TMEM65: variants seen among roughly 807,000 people sequenced by gnomAD.
TMEM65 encodes transmembrane protein 65.
Under a neutral mutation model 25.4 loss-of-function variants are expected in TMEM65, and 22 were observed. The ratio of observed to expected loss-of-function variants is 0.86; its 90% CI spans 0.62 to 1.23. The LOEUF is 1.23. TMEM65 is among the 50% of genes most tolerant of loss of function. The pLI is 0.00. For synonymous variants in TMEM65, 132 were observed against 126.2 expected (o/e 1.05, Z -0.31); for missense variants, 262 against 308.2 (o/e 0.85, Z 1.12).
At chr8:124,358,239 A>G (rs1814810466) in intron 1 of TMEM65, among the ~76,000 whole-genome samples, 1 of 152,198 alleles carries the variant, frequency 6.6e-6, no homozygotes, top group African/African-American at 2.4e-5. Flanking sequence ...TCTCCCTCCA[A>G]GAGAAGTAAA....
At chr8:124,322,824 C>T (rs1010008937) in intron 4 of TMEM65, among the ~76,000 whole-genome samples, 18 of 151,926 alleles carry the variant, frequency 1.2e-4, no homozygotes, top group Admixed American at 6.6e-5. Flanking sequence ...GGTGAAACCC[C>T]GTCTCTACTA....
intron 1 of TMEM65, among the ~76,000 whole-genome samples, chr8:124,337,748 G>C: frequency 6.6e-6 from 1 of 152,004 alleles, no homozygotes; most frequent in Non-Finnish European, 1.5e-5. Context: ...AGAGTTTTAA[G>C]AAGTCAACAA....
chr8:124,315,314 GTT>G (rs66799463), intron 6 of TMEM65, among the ~76,000 whole-genome samples: 7 of 149,510 alleles, frequency 4.7e-5, no homozygotes, highest in Admixed American at 2.0e-4. Flanking sequence ...ATATCCTACA[GTT>G]TTTTTTTTGT....
intron 3 of TMEM65, among the ~76,000 whole-genome samples, chr8:124,324,928 A>T (rs952064453): frequency 3.3e-5 from 5 of 152,074 alleles, no homozygotes; most frequent in African/African-American, 1.2e-4. Context: ...CTACTCTAGA[A>T]TTCTAATAAA....
At chr8:124,369,923 T>A (rs1392125246) in intron 1 of TMEM65, among the ~76,000 whole-genome samples, 1 of 152,104 alleles carries the variant, frequency 6.6e-6, no homozygotes, top group Admixed American at 6.5e-5. Flanking sequence ...TTGATGTTCT[T>A]TAGCATATAA....
chr8:124,331,176 TAAGA>T (rs1300513723), intron 1 of TMEM65, among the ~76,000 whole-genome samples: 1 of 151,742 alleles, frequency 6.6e-6, no homozygotes, highest in Non-Finnish European at 1.5e-5. Context: ...CTAGATGACT[TAAGA>T]AATACACAAA....
rs1485744818 is a variant in TMEM65, at chr8:124,316,981, T to TA, written c.622-2921dup. Among the ~76,000 whole-genome samples, 5 of 152,306 alleles carry TA rather than the reference T, an allele frequency of 3.3e-5. No homozygotes were observed. The East Asian group carries it at 9.6e-4, about 29-fold the overall frequency. On this transcript the variant is annotated intron_variant, in intron 6 of 6. Coordinates refer to ENST00000297632, the MANE Select transcript of TMEM65 (RefSeq NM_194291.3). ...TCATTTTGTTTCTCCACACTCTTCC[T>TA]ACATTTTGATTGAAAAGCAAACACT...
At chr8:124,332,956 C>CCA (rs1480527600) in intron 1 of TMEM65, among the ~76,000 whole-genome samples, 3 of 151,922 alleles carry the variant, frequency 2.0e-5, no homozygotes, top group Non-Finnish European at 2.9e-5. Flanking sequence ...CAGGTGTGTG[C>CCA]CACCACACCT....
chr8:124,326,417 CT>C (rs1322016311), intron 3 of TMEM65, among the ~76,000 whole-genome samples: 1 of 151,912 alleles, frequency 6.6e-6, no homozygotes, highest in East Asian at 1.9e-4. Flanking sequence ...AGTTTTTTGA[CT>C]GATTATGGCA....
intron 1 of TMEM65, among the ~76,000 whole-genome samples, chr8:124,331,785 G>A (rs1004873240): frequency 1.2e-4 from 18 of 151,790 alleles, no homozygotes; most frequent in African/African-American, 2.2e-4. Context: ...CCAAAGAAAC[G>A]CATTACAAAC....
At chr8:124,347,075 T>A (rs1056107905) in intron 1 of TMEM65, among the ~76,000 whole-genome samples, 9 of 152,256 alleles carry the variant, frequency 5.9e-5, no homozygotes, top group South Asian at 2.1e-4. Context: ...GTGTTTTTTT[T>A]AAAAAGAAAC....
chr8:124,352,848 C>T (rs74305387), intron 1 of TMEM65, among the ~76,000 whole-genome samples: 7,204 of 152,196 alleles, frequency 0.047, 211 homozygotes, highest in Non-Finnish European at 0.062. Flanking sequence ...CCAGTTGGGC[C>T]GGGTCCAGTG....
intron 6 of TMEM65, among the ~76,000 whole-genome samples, chr8:124,315,511 C>T (rs897764330): frequency 6.6e-5 from 10 of 151,794 alleles, no homozygotes; most frequent in African/African-American, 2.2e-4. Context: ...TTAGTAGAGC[C>T]GGGGTTTCAC....
intron 6 of TMEM65, among the ~76,000 whole-genome samples, chr8:124,316,282 C>A (rs1814236488): frequency 1.3e-5 from 2 of 152,170 alleles, no homozygotes; most frequent in Admixed American, 6.5e-5. Flanking sequence ...GAACTTGAGT[C>A]CCATCTGTAA....
intron 3 of TMEM65, among the ~76,000 whole-genome samples, chr8:124,324,161 G>C (rs1401953098): frequency 6.6e-6 from 1 of 152,036 alleles, no homozygotes; most frequent in Admixed American, 6.6e-5. Context: ...TAATTTTCAA[G>C]AGTTCTCTTG....
chr8:124,335,937 G>A (rs1396497099), intron 1 of TMEM65, among the ~76,000 whole-genome samples: 1 of 151,982 alleles, frequency 6.6e-6, no homozygotes. Flanking sequence ...AAAATGCAGA[G>A]ACTACAAAAA....
intron 1 of TMEM65, among the ~76,000 whole-genome samples, chr8:124,365,911 G>A (rs1393798787): frequency 6.6e-6 from 1 of 152,180 alleles, no homozygotes; most frequent in African/African-American, 2.4e-5. Flanking sequence ...TATTTGTGGT[G>A]TTACAGCAGC....
chr8:124,352,796 G>A (rs1027145561), intron 1 of TMEM65, among the ~76,000 whole-genome samples: 1 of 152,040 alleles, frequency 6.6e-6, no homozygotes, highest in Non-Finnish European at 1.5e-5. Flanking sequence ...AGTGTGAGGT[G>A]TATCCACACA....
intron 3 of TMEM65, among the ~76,000 whole-genome samples, chr8:124,325,474 T>C (rs1051306133): frequency 6.6e-6 from 1 of 152,028 alleles, no homozygotes; most frequent in Non-Finnish European, 1.5e-5. Flanking sequence ...CCACACCTAC[T>C]ACTCTTAACT....
Sources: allele counts gnomAD v4.1 joint callset (sites outside exome capture counted in the v4.1 genomes callset), GRCh38; gene constraint gnomAD v4.1.1; transcripts MANE v1.5; gene names NCBI Gene and HGNC (gene_info 2026-07-23, HGNC 2026-07-21).